POLR1C: variants seen among roughly 807,000 people sequenced by gnomAD.
The protein encoded by POLR1C is DNA-directed RNA polymerases I and III subunit RPAC1.
Under a neutral mutation model 38.3 loss-of-function variants are expected in POLR1C, and 42 were observed. The ratio of observed to expected loss-of-function variants is 1.10; its 90% CI spans 0.86 to 1.42. The LOEUF is 1.42. POLR1C is among the 40% of genes most tolerant of loss of function. The pLI is 0.00. For missense variants in POLR1C, 507 were observed against 450.5 expected (o/e 1.13, Z -1.14); for synonymous variants, 163 against 163.9 (o/e 0.99, Z 0.04).
chr6:43,556,003 T>C, intron 10 of POLR1C: 1 of 1,609,838 alleles, frequency 6.2e-7, no homozygotes, highest in Non-Finnish European at 8.5e-7. Flanking sequence ...CAGGAATCAA[T>C]AACTGGTATA....
intron 9 of POLR1C, among the ~76,000 whole-genome samples, chr6:43,550,746 C>A (rs1245564260): frequency 6.6e-6 from 1 of 152,170 alleles, no homozygotes; most frequent in African/African-American, 2.4e-5. Flanking sequence ...AATACTCATG[C>A]TTTCTCTTCT....
chr6:43,521,263 G>A lies in POLR1C; in HGVS notation c.1004G>A (p.Arg335His), dbSNP rs777698504. Residue 335 changes from arginine (R) to histidine (H), a missense_variant, in exon 9 of 9, where the codon CGC (arginine) becomes CAC (histidine). Transcript: ENST00000642195. ...AAAGTACTGATGGGGAAGTGCCGGC[G>A]CTTCTTGGATGAACTAGATGCGGTT... ...AIKVLMGKCR[R>H]FLDELDAVQM... 97 of 1,612,726 alleles carry A rather than the reference G, an allele frequency of 6.0e-5. No homozygotes were observed. Among genetic ancestry groups the A allele is most frequent in the Admixed American group, 1.7e-4 (10 of 59,998 alleles).
At chr6:43,538,552 G>C (rs993367956) in intron 9 of POLR1C, among the ~76,000 whole-genome samples, 1 of 152,140 alleles carries the variant, frequency 6.6e-6, no homozygotes, top group African/African-American at 2.4e-5. Flanking sequence ...TTGTATACTG[G>C]ATATTGAATT....
In POLR1C at chr6:43,553,377, CTATTTAGTG is replaced by C. The variant is rs1349680623; in HGVS notation, c.*48+2368_*48+2376del. Reference sequence around the variant, plus strand: ...GCATGGGAAATAATTACTTACTTCTCTATTTAGTGTTCGAAACATCTGGGTGATAACACT... The same window carrying C: ...GCATGGGAAATAATTACTTACTTCTCTTCGAAACATCTGGGTGATAACACT... On this transcript the variant is annotated intron_variant, in intron 10 of 10. Transcript: ENST00000607635. 3.1e-6 allele frequency: 5 copies of C among 1,608,140 alleles called. No individual in the cohort carries two copies. In the Admixed American group the frequency reaches 6.8e-5, roughly 22 times the overall value.
chr6:43,524,473 C>T, downstream of POLR1C: 2 of 1,613,126 alleles, frequency 1.2e-6, no homozygotes, highest in Non-Finnish European at 1.7e-6. Context: ...TGACCTACCC[C>T]AATGCAACCA....
chr6:43,526,589 TCTC>T lies in POLR1C; in HGVS notation c.923-2656_923-2654del, dbSNP rs559103885. 197 of 1,398,896 alleles carry T rather than the reference TCTC, an allele frequency of 1.4e-4. No individual in the cohort carries two copies. The African/African-American group carries it at 2.0e-3, about 14-fold the overall frequency. The allele number at this position is 1,398,896 out of a possible 1,614,324, so 86.7% of individuals were successfully genotyped here. A position where few individuals can be genotyped will look rare whatever the true frequency, so the allele number is the denominator to read the frequency against. On this transcript the variant is annotated intron_variant, in intron 8 of 8. Coordinates refer to the POLR1C transcript ENST00000304004. ...GATGATAACTACATGTAGGGTGTCT[TCTC>T]CTCACCAGACTGCAAGGAAACTGAC...
downstream of POLR1C, chr6:43,526,508 C>G (rs1235210190): frequency 1.5e-6 from 1 of 653,732 alleles, no homozygotes; most frequent in Admixed American, 2.5e-5. Flanking sequence ...ACAGCAAGTG[C>G]AAAGGCTTGG....
At chr6:43,520,487 G>T (rs1391249821) in intron 6 of POLR1C, 60 bp downstream of exon 6, 4 of 1,607,728 alleles carry the variant, frequency 2.5e-6, no homozygotes, top group African/African-American at 2.7e-5. Context: ...GGGGCAAGCT[G>T]ACTAGGGAAC....
At chr6:43,560,382 A>C in intron 10 of POLR1C, 1 of 1,454,546 alleles carries the variant, frequency 6.9e-7, no homozygotes, top group Non-Finnish European at 9.1e-7. Context: ...GTTATCAACT[A>C]CATTTTTTCA....
chr6:43,553,281 AAC>A (rs756250946), intron 10 of POLR1C: 18 of 1,443,178 alleles, frequency 1.2e-5, no homozygotes, highest in Non-Finnish European at 1.7e-5. Context: ...CAGCCTGAGC[AAC>A]AGAGAGATAT....
At chr6:43,519,601 T>G in intron 3 of POLR1C, 105 bp from the exon 4 acceptor site, 2 of 1,531,712 alleles carry the variant, frequency 1.3e-6, no homozygotes, top group Non-Finnish European at 9.0e-7. Context: ...TCATTAAACA[T>G]TCTAGGAAGA....
intron 8 of POLR1C, chr6:43,526,923 C>A: frequency 1.6e-6 from 1 of 631,422 alleles, no homozygotes. Context: ...TTCTGATGAC[C>A]GAACTGTTTT....
At chr6:43,552,481 T>C (rs1278271175) in intron 10 of POLR1C, among the ~76,000 whole-genome samples, 2 of 152,154 alleles carry the variant, frequency 1.3e-5, no homozygotes, top group African/African-American at 2.4e-5. Context: ...GCCTCCCAAG[T>C]AGCTGGGATT....
chr6:43,548,246 A>G, intron 9 of POLR1C: 1 of 1,581,648 alleles, frequency 6.3e-7, no homozygotes, highest in Non-Finnish European at 8.6e-7. Flanking sequence ...AGTCAGGGCA[A>G]GGGATCTCCT....
intron 10 of POLR1C, among the ~76,000 whole-genome samples, chr6:43,557,198 G>A (rs958666073): frequency 2.0e-5 from 3 of 150,492 alleles, no homozygotes; most frequent in South Asian, 2.1e-4. Context: ...AAGCCGAGGC[G>A]GGTGGATCAC....
intron 9 of POLR1C, among the ~76,000 whole-genome samples, chr6:43,546,045 A>G (rs1794949479): frequency 1.3e-5 from 2 of 152,214 alleles, no homozygotes; most frequent in Non-Finnish European, 2.9e-5. Flanking sequence ...TACTGGTCTT[A>G]GGACTCAGCT....
intron 10 of POLR1C, chr6:43,560,946 G>T: frequency 6.2e-7 from 1 of 1,613,884 alleles, no homozygotes; most frequent in Non-Finnish European, 8.5e-7. Context: ...GGTTGTGAAA[G>T]CAAGAAAAGA....
chr6:43,522,587 G>A (rs759801681), downstream of POLR1C: 24 of 334,842 alleles, frequency 7.2e-5, no homozygotes, highest in Non-Finnish European at 1.3e-4. Context: ...CACACAGGAA[G>A]AGGGAGCAAC....
chr6:43,546,705 GC>G (rs769739813), intron 9 of POLR1C: 1 of 1,611,948 alleles, frequency 6.2e-7, no homozygotes, highest in Non-Finnish European at 8.5e-7. Flanking sequence ...CAGTGGGCCA[GC>G]AAGTTCGTTT....
Sources: gnomAD v4.1 joint callset for allele counts (sites outside exome capture counted in the v4.1 genomes callset) on GRCh38, gnomAD v4.1.1 for gene constraint, MANE v1.5 for transcripts, NCBI Gene and HGNC (gene_info 2026-07-23, HGNC 2026-07-21) for gene names.